Variants in LRP2 observed in about 807,000 individuals in gnomAD.
LRP2 encodes the protein LDL receptor related protein 2, also known as low-density lipoprotein receptor-related protein 2.
In LRP2, 172 loss-of-function variants were observed where a neutral mutation model predicts 531.0. That is an observed-to-expected ratio of 0.32 (90% CI 0.29 to 0.37). The LOEUF (loss-of-function observed/expected upper bound fraction) is 0.37. LRP2 is among the 10% of genes least tolerant of loss of function. The probability of loss-of-function intolerance (pLI) is 1.00; values close to 1 mark genes in which losing one functional copy is unlikely to be tolerated. For missense variants in LRP2, 5,167 were observed against 5,868.3 expected, an observed-to-expected ratio of 0.88 and a Z score of 3.90; for synonymous variants, 1,992 against 2,027.6, an observed-to-expected ratio of 0.98 and a Z score of 0.47.
intron 4 of LRP2, among the ~76,000 whole-genome samples, chr2:169,305,634 C>A (rs1007048202): frequency 2.0e-5 from 3 of 152,178 alleles, no homozygotes; most frequent in African/African-American, 7.2e-5. Flanking sequence ...ACACAAAAAT[C>A]TGCTCACCAA....
At chr2:169,274,352 G>C (rs923840393) in intron 14 of LRP2, among the ~76,000 whole-genome samples, 1 of 152,148 alleles carries the variant, frequency 6.6e-6, no homozygotes, top group Admixed American at 6.5e-5. Flanking sequence ...GGGAAGCCGG[G>C]GCAGGAGGAT....
intron 37 of LRP2, among the ~76,000 whole-genome samples, chr2:169,211,591 C>A (rs1405664882): frequency 6.6e-6 from 1 of 152,168 alleles, no homozygotes; most frequent in Non-Finnish European, 1.5e-5. Flanking sequence ...GGAACACCAA[C>A]TCTGTAGTAC....
chr2:169,241,562 A>G (rs1411785828), intron 24 of LRP2, among the ~76,000 whole-genome samples, 197 bp from the exon 25 acceptor site: 2 of 152,218 alleles, frequency 1.3e-5, no homozygotes, highest in Non-Finnish European at 2.9e-5. Context: ...TGTGGCAGCT[A>G]GTGGCTCTGA....
At chr2:169,215,593 G>GATAC (rs1350894177) in intron 35 of LRP2, among the ~76,000 whole-genome samples, 2 of 151,060 alleles carry the variant, frequency 1.3e-5, no homozygotes, top group Non-Finnish European at 2.9e-5. Context: ...TAAATAAATA[G>GATAC]ATACATACAT....
chr2:169,200,223 C>G (rs992097642), intron 44 of LRP2, among the ~76,000 whole-genome samples: 5 of 152,106 alleles, frequency 3.3e-5, no homozygotes, highest in Non-Finnish European at 7.4e-5. Flanking sequence ...TGCACTCCAG[C>G]CTGGGCGATA....
chr2:169,288,729 C>T (rs1683922354), intron 9 of LRP2, among the ~76,000 whole-genome samples: 1 of 152,134 alleles, frequency 6.6e-6, no homozygotes, highest in African/African-American at 2.4e-5. Context: ...AATCCTGATG[C>T]CAAATACTTG....
chr2:169,178,149 C>T, intron 52 of LRP2, 123 bp from the exon 53 acceptor site: 1 of 738,928 alleles, frequency 1.4e-6, no homozygotes, highest in Non-Finnish European at 2.4e-6. Flanking sequence ...AAGTTCAGAT[C>T]CTCAAAACTC....
intron 59 of LRP2, 41 bp downstream of exon 59, chr2:169,170,510 C>T (rs1487592460): frequency 1.3e-6 from 2 of 1,496,302 alleles, no homozygotes; most frequent in East Asian, 2.3e-5. Context: ...TACACTGTCA[C>T]AGTACAAAAT....
intron 16 of LRP2, among the ~76,000 whole-genome samples, chr2:169,264,106 C>G (rs546138342): frequency 6.6e-6 from 1 of 151,540 alleles, no homozygotes; most frequent in Non-Finnish European, 1.5e-5. Context: ...TGGGGTGGCG[C>G]GGGAGGAGGG....
chr2:169,279,725 C>T, intron 11 of LRP2, 130 bp from the exon 12 acceptor site: 1 of 637,822 alleles, frequency 1.6e-6, no homozygotes, highest in East Asian at 2.7e-5. Context: ...AAATTTCATG[C>T]AAGTTATCAT....
chr2:169,306,060 CTCATTAAATGACACATG>C (rs1320949724), intron 4 of LRP2, among the ~76,000 whole-genome samples: 2 of 152,162 alleles, frequency 1.3e-5, no homozygotes, highest in East Asian at 3.9e-4. Context: ...ATGTGTCCCC[CTCATTAAATGACACATG>C]ACTATATCTT....
At chr2:169,331,003 C>T (rs886854762) in intron 1 of LRP2, among the ~76,000 whole-genome samples, 5 of 152,114 alleles carry the variant, frequency 3.3e-5, no homozygotes, top group African/African-American at 1.2e-4. Context: ...AAATGAACTC[C>T]CCTGGGAGAG....
chr2:169,341,633 T>C (rs1288386349), intron 1 of LRP2, among the ~76,000 whole-genome samples: 3 of 152,212 alleles, frequency 2.0e-5, no homozygotes, highest in Non-Finnish European at 2.9e-5. Context: ...GGTTCTCCTT[T>C]TCCTCTTATT....
Position 169,206,958 on chromosome 2 carries a change from A to G in LRP2, c.6762T>C (p.Ser2254=), listed in dbSNP as rs1358903711. The change falls in exon 39 of 79, where the codon TCT becomes TCC. Residue 2254 remains serine (S), a synonymous_variant. Coordinates refer to ENST00000649046, the MANE Select transcript of LRP2 (RefSeq NM_004525.3). ...SDGYVYWVDD[S]LDIIARIRIN... is the part of the protein sequence containing the mutation. The stretch of plus-strand genomic sequence containing the variant: ...TACGAATCCTTGCAATTATATCTAA[A>G]GAATCATCAACCCAATAAACGTAGC... 6.2e-7 allele frequency: 1 copy of G among 1,614,234 alleles called. No individual in the cohort carries two copies. The highest frequency in any genetic ancestry group is 1.3e-5 in the African/African-American group (1 of 75,050).
intron 66 of LRP2, 57 bp downstream of exon 66, chr2:169,154,403 C>A: frequency 1.3e-6 from 2 of 1,529,686 alleles, no homozygotes; most frequent in Non-Finnish European, 1.8e-6. Context: ...AAGTCAACAC[C>A]TTAAAATTCT....
intron 60 of LRP2, 141 bp from the exon 61 acceptor site, chr2:169,168,817 T>A: frequency 1.1e-6 from 1 of 922,754 alleles, no homozygotes; most frequent in Admixed American, 2.0e-5. Flanking sequence ...CCTTGACCTG[T>A]CTGAAAGTTG....
At chr2:169,246,532 A>T (rs1025604015) in intron 21 of LRP2, among the ~76,000 whole-genome samples, 173 bp downstream of exon 21, 1 of 152,258 alleles carries the variant, frequency 6.6e-6, no homozygotes, top group African/African-American at 2.4e-5. Flanking sequence ...CCATAACATT[A>T]TGAATGAAAT....
At chr2:169,173,549 T>G (rs1248518373) in intron 56 of LRP2, among the ~76,000 whole-genome samples, 1 of 152,222 alleles carries the variant, frequency 6.6e-6, no homozygotes, top group Non-Finnish European at 1.5e-5. Context: ...CCACTTAATG[T>G]GAACCTCAGT....
At chr2:169,165,176 A>T (rs1053982057) in intron 62 of LRP2, among the ~76,000 whole-genome samples, 3 of 152,218 alleles carry the variant, frequency 2.0e-5, no homozygotes, top group African/African-American at 7.2e-5. Flanking sequence ...AAGTGGAGAA[A>T]TCAGGCATTT....
Sources: allele counts gnomAD v4.1 joint callset (sites outside exome capture counted in the v4.1 genomes callset), GRCh38; gene constraint gnomAD v4.1.1; transcripts MANE v1.5; gene names NCBI Gene and HGNC (gene_info 2026-07-23, HGNC 2026-07-21).